PANK4: variants seen among roughly 807,000 people sequenced by gnomAD.
The protein encoded by PANK4 is 4'-phosphopantetheine phosphatase.
In PANK4, 40 loss-of-function variants were observed where a neutral mutation model predicts 87.9. The ratio of observed to expected loss-of-function variants is 0.46; its 90% CI spans 0.35 to 0.59. The LOEUF is 0.59. Ranked by LOEUF, PANK4 falls within the 20% of genes least tolerant of loss-of-function variation. The pLI, the probability that PANK4 is intolerant of heterozygous loss-of-function variation, is 0.00. For missense variants in PANK4, 926 were observed against 1,072.3 expected, an observed-to-expected ratio of 0.86 and a Z score of 1.90; for synonymous variants, 524 against 467.4, an observed-to-expected ratio of 1.12 and a Z score of -1.56.
chr1:2,516,643 G>A (rs1015412948), intron 9 of PANK4, among the ~76,000 whole-genome samples: 1 of 152,138 alleles, frequency 6.6e-6, no homozygotes, highest in Non-Finnish European at 1.5e-5. Flanking sequence ...AGCAGCCTCT[G>A]GGTGGGCAGG....
Position 2,510,066 on chromosome 1 carries a change from G to A in PANK4, c.2030C>T (p.Pro677Leu). 4 of 1,609,244 alleles carry A rather than the reference G, an allele frequency of 2.5e-6. No homozygotes were observed. Among genetic ancestry groups the A allele is most frequent in the South Asian group, 1.1e-5 (1 of 90,382 alleles). The change falls in exon 17 of 19, where the codon CCT becomes CTT. Residue 677 changes from proline to leucine, a missense_variant. Coordinates refer to ENST00000378466, the MANE Select transcript of PANK4 (RefSeq NM_018216.4). This position sits in a 1 kb window ranked among gnomAD's most constrained non-coding sequence, Gnocchi z 4.9. ...IVAERIAGMD[P>L]VVHSALQEER... is the part of the protein sequence containing the mutation. The stretch of plus-strand genomic sequence containing the variant: ...GCCCGCCAACACTCACTGCACGACA[G>A]GGTCCATGCCCGCAATACGCTCTGC...
chr1:2,513,996 A>G lies in PANK4; in HGVS notation c.1575+6T>C. On this transcript the variant is annotated splice_donor_region_variant and intron_variant, in intron 12 of 18. Coordinates refer to ENST00000378466, the MANE Select transcript of PANK4 (RefSeq NM_018216.4). ...CGAGCGGAAGGCCAGGGCACACTGC[A>G]CTTACTTTGGAGTAGGGATCCGGGA... is the stretch of plus-strand genomic sequence containing the variant. 6.2e-7 allele frequency: 1 copy of G among 1,602,644 alleles called. No individual in the cohort carries two copies. The highest frequency in any genetic ancestry group is 8.5e-7 in the Non-Finnish European group (1 of 1,170,588).
Position 2,515,612 on chromosome 1 carries a change from C to G in PANK4, c.1324G>C (p.Ala442Pro). ...GTGAGCCAGTATTTTCGGGCCAGAG[C>G]GTCATCGGTGAGGTCCACCGTGTCG... The part of the protein sequence containing the change: ...VPDTVDLTDD[A>P]LARKYWLTCF... Residue 442 changes from alanine (A) to proline (P), a missense_variant, in exon 10 of 19, where the codon GCT (alanine) becomes CCT (proline). By Grantham distance (27) the Ala-to-Pro change is conservative. Coordinates refer to ENST00000378466, the MANE Select transcript of PANK4 (RefSeq NM_018216.4). This position sits in a 1 kb window ranked among gnomAD's most constrained non-coding sequence, Gnocchi z 5.0. The G allele has an allele frequency of 6.2e-7, 1 of 1,613,312 alleles. No homozygotes were observed.
In PANK4 at chr1:2,508,981, C is replaced by G. The variant is rs1643614871; in HGVS notation, c.2188G>C (p.Val730Leu). ...AGGGCTGCGTGGTAGTTTGTGTGGA[C>G]AGCACGGCCCATGCCCTCGATGACC... Reference protein sequence around the residue: ...LVVIEGMGRAVHTNYHAALRC... With the variant: ...LVVIEGMGRALHTNYHAALRC... Residue 730 changes from valine (V) to leucine (L), a missense_variant, in exon 19 of 19, where the codon GTC becomes CTC. Coordinates refer to ENST00000378466, the MANE Select transcript of PANK4 (RefSeq NM_018216.4). This position sits in a 1 kb window ranked among gnomAD's most constrained non-coding sequence, Gnocchi z 5.1. The G allele has an allele frequency of 6.2e-7, 1 of 1,609,222 alleles. No homozygotes were observed. Among genetic ancestry groups the G allele is most frequent in the Non-Finnish European group, 8.5e-7 (1 of 1,179,430 alleles).
chr1:2,513,450 G>A (rs186550909), intron 12 of PANK4, among the ~76,000 whole-genome samples: 8 of 152,364 alleles, frequency 5.3e-5, no homozygotes, highest in African/African-American at 4.8e-5. Context: ...GCTGCTGCCC[G>A]CTGCCTCCTG....
In PANK4 at chr1:2,510,589, G is replaced by A. The variant is rs1347960803; in HGVS notation, c.1938+89C>T. The A allele has an allele frequency of 8.8e-6, 7 of 791,280 alleles. No individual in the cohort carries two copies. The highest frequency in any genetic ancestry group is 2.1e-5 in the Admixed American group (1 of 48,014). 49.0% of individuals were successfully genotyped at this position (791,280 alleles called of 1,614,324 possible). On this transcript the variant is annotated intron_variant, in intron 16 of 18. Transcript: ENST00000378466. The surrounding 1 kb of genome is among the most constrained non-coding windows in gnomAD (Gnocchi z 4.9). ...TACCTGCTGCGTCCGGAGGAGCCCC[G>A]ACCACCGCCAGAGGCCCACAGCGGC...
chr1:2,525,514 T>C (rs1302498382), intron 1 of PANK4: 1 of 152,144 alleles, frequency 6.6e-6, no homozygotes, highest in Admixed American at 6.5e-5. Context: ...GCCTGAAACA[T>C]GGGCAGAGTA....
In PANK4 at chr1:2,515,855, A is replaced by C; in HGVS notation, c.1219-138T>G. ...GCCACGTCTCTGGGCCACAGACGAGACCCCCACTGGGCCCCCTCAGCTGCC... is the reference window on the plus strand; with the variant it reads ...GCCACGTCTCTGGGCCACAGACGAGCCCCCCACTGGGCCCCCTCAGCTGCC... On this transcript the variant is annotated intron_variant, in intron 9 of 18. Transcript: ENST00000378466. The surrounding 1 kb of genome is among the most constrained non-coding windows in gnomAD (Gnocchi z 5.0). 1.1e-6 allele frequency: 1 copy of C among 877,908 alleles called. No homozygotes were observed. Among genetic ancestry groups the C allele is most frequent in the Non-Finnish European group, 1.7e-6 (1 of 575,536 alleles). 54.4% of individuals were successfully genotyped at this position (877,908 alleles called of 1,614,324 possible).
At chr1:2,514,131 G>C (rs748669620) in intron 11 of PANK4, 42 bp from the exon 12 acceptor site, 12 of 1,498,806 alleles carry the variant, frequency 8.0e-6, no homozygotes, top group Non-Finnish European at 1.0e-5. Context: ...AGGGCAGGCC[G>C]AACACCCGCC....
rs1643623304 is a variant in PANK4, at chr1:2,509,521, C to A, written c.2108+341G>T. Among the ~76,000 whole-genome samples, 1 of 152,204 alleles carries A rather than the reference C, an allele frequency of 6.6e-6. No homozygotes were observed. The highest frequency in any genetic ancestry group is 2.1e-4 in the South Asian group (1 of 4,830). On this transcript the variant is annotated intron_variant, in intron 18 of 18. Transcript: ENST00000378466. The surrounding 1 kb of genome is among the most constrained non-coding windows in gnomAD (Gnocchi z 4.9). ...GACCTCCAGAACCACAGAAGCAGAG[C>A]CTGGCATCTATGTGGGACACGGAGG... is the stretch of plus-strand genomic sequence containing the variant.
intron 9 of PANK4, among the ~76,000 whole-genome samples, chr1:2,516,632 A>C (rs1349132168): frequency 1.3e-5 from 2 of 152,040 alleles, no homozygotes; most frequent in East Asian, 3.9e-4. Context: ...GGGGCTGGAG[A>C]AGCAGCCTCT....
At position 2,509,614 on chromosome 1, in the gene PANK4, C is replaced by T. The variant is rs943084513; in HGVS notation, c.2108+248G>A. The stretch of plus-strand genomic sequence containing the variant: ...CTGAGTGGCCACAGGGACATTGGCC[C>T]CTCTTGCCCCAAGTCCCCAAACCCA... On this transcript the variant is annotated intron_variant, in intron 18 of 18. Transcript: ENST00000378466. The surrounding 1 kb of genome is among the most constrained non-coding windows in gnomAD (Gnocchi z 4.9). Among the ~76,000 whole-genome samples, 2 of 152,196 alleles carry T rather than the reference C, an allele frequency of 1.3e-5. No individual in the cohort carries two copies. Among genetic ancestry groups the T allele is most frequent in the East Asian group, 3.9e-4 (2 of 5,190 alleles).
At chr1:2,521,554 T>C (rs1049132243) in intron 2 of PANK4, 164 bp downstream of exon 2, 5 of 749,106 alleles carry the variant, frequency 6.7e-6, no homozygotes, top group African/African-American at 3.4e-5. Flanking sequence ...CAAAGGGTCT[T>C]GAAGGGACAC....
Position 2,519,759 on chromosome 1 carries a change from C to A in PANK4, c.853+42G>T. ...TCCTGTCCGTGAGACCCCAAGTGTCCCCACCATCCTGCTCTCTGGCGGCAG... is the reference window on the plus strand; with the variant it reads ...TCCTGTCCGTGAGACCCCAAGTGTCACCACCATCCTGCTCTCTGGCGGCAG... On this transcript the variant is annotated intron_variant, in intron 6 of 18. Transcript: ENST00000378466. This position sits in a 1 kb window ranked among gnomAD's most constrained non-coding sequence, Gnocchi z 8.3. The A allele has an allele frequency of 6.6e-7, 1 of 1,519,856 alleles. No homozygotes were observed. The highest frequency in any genetic ancestry group is 2.4e-5 in the East Asian group (1 of 41,434). The allele number at this position is 1,519,856 out of a possible 1,614,324, so 94.1% of individuals were successfully genotyped here.
Position 2,517,862 on chromosome 1 carries a change from G to A in PANK4, c.1218+302C>T, listed in dbSNP as rs140737359. 4.1e-3 allele frequency among the ~76,000 whole-genome samples: 622 copies of A among 152,350 alleles called. 2 individuals are homozygous for A. Among genetic ancestry groups the A allele is most frequent in the Middle Eastern group, 0.031 (9 of 294 alleles). ...GACGGGCCTTCTGGCGTGGGGAGAGGTCCCCGTCACCCCTGAACTTTAGCA... is the reference window on the plus strand; with the variant it reads ...GACGGGCCTTCTGGCGTGGGGAGAGATCCCCGTCACCCCTGAACTTTAGCA... On this transcript the variant is annotated intron_variant, in intron 9 of 18. Coordinates refer to ENST00000378466, the MANE Select transcript of PANK4 (RefSeq NM_018216.4).
At chr1:2,522,659 G>A (rs557359710) in intron 1 of PANK4, among the ~76,000 whole-genome samples, 2 of 145,172 alleles carry the variant, frequency 1.4e-5, no homozygotes, top group Admixed American at 7.1e-5. Context: ...AATAGAAAAA[G>A]AAACAAAATG....
In PANK4 at chr1:2,519,724, T is replaced by C. The variant is rs1202515423; in HGVS notation, c.853+77A>G. On this transcript the variant is annotated intron_variant, in intron 6 of 18. Coordinates refer to ENST00000378466, the MANE Select transcript of PANK4 (RefSeq NM_018216.4). This position sits in a 1 kb window ranked among gnomAD's most constrained non-coding sequence, Gnocchi z 8.3. Reference sequence around the variant, plus strand: ...GGGAGCAGTTGTGGGAAAGCAATGGTGGGGGAAGCTCCTGTCCGTGAGACC... The same window carrying C: ...GGGAGCAGTTGTGGGAAAGCAATGGCGGGGGAAGCTCCTGTCCGTGAGACC... The C allele has an allele frequency of 7.2e-7, 1 of 1,396,404 alleles. No individual in the cohort carries two copies. Among genetic ancestry groups the C allele is most frequent in the Non-Finnish European group, 9.6e-7 (1 of 1,045,562 alleles). The allele number at this position is 1,396,404 out of a possible 1,614,324, so 86.5% of individuals were successfully genotyped here.
Position 2,518,500 on chromosome 1 carries a change from C to T in PANK4, c.1117+16G>A. ...GAGGCCCCACGCTGCTCAGGGGCGC[C>T]AGCACCGCGACTCACTGTCCTGCTC... On this transcript the variant is annotated intron_variant, in intron 8 of 18. Transcript: ENST00000378466. The T allele has an allele frequency of 6.4e-7, 1 of 1,552,258 alleles. No individual in the cohort carries two copies. The highest frequency in any genetic ancestry group is 1.2e-5 in the South Asian group (1 of 84,654).
rs753993410 is a variant in PANK4 at position 2,511,323 on chromosome 1, G to A, written c.1833+15C>T. 6.9e-6 allele frequency: 11 copies of A among 1,591,758 alleles called. No homozygotes were observed. The highest frequency in any genetic ancestry group is 3.3e-5 in the Admixed American group (2 of 59,962). On this transcript the variant is annotated intron_variant, in intron 15 of 18. Transcript: ENST00000378466. ...TGTGTCCCCAGCAGCAGAGGTGGGA[G>A]GCCCCTCCACATACCTTTAATCTCT...
Sources: allele counts gnomAD v4.1 joint callset (sites outside exome capture counted in the v4.1 genomes callset), GRCh38; gene constraint gnomAD v4.1.1; non-coding constraint Gnocchi (gnomAD v3.1); transcripts MANE v1.5; gene names NCBI Gene and HGNC (gene_info 2026-07-23, HGNC 2026-07-21).